Variants in PCDHA2 observed in about 807,000 individuals in gnomAD.
PCDHA2 encodes protocadherin alpha-2.
Under a neutral mutation model 66.0 loss-of-function variants are expected in PCDHA2, and 58 were observed. The observed-to-expected ratio is 0.88, with a 90% CI of 0.71 to 1.09. The LOEUF is 1.09. Ranked by LOEUF, PCDHA2 falls within the 50% of genes least tolerant of loss-of-function variation. The pLI is 0.00. For missense variants in PCDHA2, 1,267 were observed against 1,242.3 expected (o/e 1.02, Z -0.30); for synonymous variants, 634 against 554.0 (o/e 1.14, Z -2.03).
At chr5:140,870,425 C>A (rs531014522) in intron 1 of PCDHA2, 5 of 1,614,190 alleles carry the variant, frequency 3.1e-6, no homozygotes, top group Admixed American at 3.3e-5. Flanking sequence ...GCCAGGGTAT[C>A]CGTGGAGGTG....
chr5:140,868,262 C>T (rs904607540), intron 1 of PCDHA2: 10 of 151,822 alleles, frequency 6.6e-5, no homozygotes, highest in African/African-American at 2.4e-4. Flanking sequence ...TTTGTGGATT[C>T]TTTTTTAAAA....
chr5:141,001,069 C>T (rs1422093659), intron 3 of PCDHA2, among the ~76,000 whole-genome samples: 15 of 152,106 alleles, frequency 9.9e-5, no homozygotes, highest in African/African-American at 3.1e-4. Flanking sequence ...AAATTAAATA[C>T]ATGCAAAATA....
At chr5:140,994,288 C>G (rs2097610720) in intron 3 of PCDHA2, among the ~76,000 whole-genome samples, 4 of 152,150 alleles carry the variant, frequency 2.6e-5, no homozygotes, top group Admixed American at 6.5e-5. Flanking sequence ...TGAGACAGTC[C>G]CCAGATTGTT....
chr5:140,829,861 G>T lies in PCDHA2; in HGVS notation c.2388+32509G>T, dbSNP rs200510937. 1.7e-5 allele frequency: 27 copies of T among 1,613,838 alleles called. No individual in the cohort carries two copies. The East Asian group carries it at 5.6e-4, about 33-fold the overall frequency. ...CGCGGTCACTGGGTGCAGGCCAAGT[G>T]GTGGCGAAGGTGCGCGCAGTTGACG... On this transcript the variant is annotated intron_variant, in intron 1 of 3. Transcript: ENST00000526136.
In PCDHA2 at chr5:140,862,942, G is replaced by A. The variant is rs75462656; in HGVS notation, c.2388+65590G>A. 1.6e-3 allele frequency: 859 copies of A among 542,058 alleles called. 16 individuals carry two copies. In the East Asian group the frequency reaches 0.034, roughly 22 times the overall value. The allele number at this position is 542,058 out of a possible 1,614,324, so 33.6% of individuals were successfully genotyped here. ...GGTGGGCTGGCGGCGCTGTGAGTGA[G>A]CTGGTGCGGTATTCAGTGGATGCAG... On this transcript the variant is annotated intron_variant, in intron 1 of 3. Transcript: ENST00000526136.
intron 1 of PCDHA2, chr5:140,848,451 T>A (rs1450153960): frequency 1.3e-6 from 2 of 1,519,288 alleles, no homozygotes; most frequent in Non-Finnish European, 1.8e-6. Context: ...TTTCTTCTAA[T>A]TTGGAGGCAA....
At chr5:140,957,221 C>T (rs1171404836) in intron 1 of PCDHA2, among the ~76,000 whole-genome samples, 3 of 151,984 alleles carry the variant, frequency 2.0e-5, no homozygotes, top group Non-Finnish European at 4.4e-5. Flanking sequence ...AAAAATTTGG[C>T]GAAGCATTTT....
rs1447646142 is a variant in PCDHA2 at position 140,795,922 on chromosome 5, G to A, written c.958G>A (p.Val320Ile). Residue 320 changes from valine to isoleucine, a missense_variant, in exon 1 of 4, where the codon GTC (valine) becomes ATC (isoleucine). By Grantham distance (29) the Val-to-Ile change is conservative. Coordinates refer to ENST00000526136, the MANE Select transcript of PCDHA2 (RefSeq NM_018905.3). ...YEEAKSYEIQ[V>I]TATDKGTPSM... is the part of the protein sequence containing the mutation. The stretch of plus-strand genomic sequence containing the variant: ...AGAAGCAAAGTCCTACGAGATTCAG[G>A]TCACTGCAACTGACAAAGGAACCCC... 19 of 1,613,806 alleles carry A rather than the reference G, an allele frequency of 1.2e-5. No individual in the cohort carries two copies. The South Asian group carries it at 1.8e-4, about 15-fold the overall frequency.
chr5:140,909,516 C>G (rs1213307040), intron 1 of PCDHA2, among the ~76,000 whole-genome samples: 1 of 152,152 alleles, frequency 6.6e-6, no homozygotes, highest in Non-Finnish European at 1.5e-5. Context: ...GAATCACAAC[C>G]CCTGCACATT....
intron 1 of PCDHA2, chr5:140,811,029 T>C (rs1764780657): frequency 6.6e-6 from 1 of 152,244 alleles, no homozygotes; most frequent in Admixed American, 6.5e-5. Flanking sequence ...TATTATACTT[T>C]AAGTTCTAGG....
intron 1 of PCDHA2, among the ~76,000 whole-genome samples, chr5:140,913,707 A>T (rs1355291016): frequency 6.6e-6 from 1 of 152,120 alleles, no homozygotes; most frequent in Non-Finnish European, 1.5e-5. Flanking sequence ...CAATGTAGGC[A>T]ATTACAGCTA....
chr5:140,823,337 C>T, intron 1 of PCDHA2: 2 of 1,612,260 alleles, frequency 1.2e-6, no homozygotes, highest in Non-Finnish European at 1.7e-6. Context: ...GCGCTGCAGC[C>T]GCTGGACCAC....
chr5:140,850,443 C>T, intron 1 of PCDHA2: 4 of 1,597,988 alleles, frequency 2.5e-6, no homozygotes, highest in Non-Finnish European at 3.4e-6. Flanking sequence ...CCTACTGGTG[C>T]TGGTGAAAGA....
chr5:140,828,632 G>C, intron 1 of PCDHA2: 1 of 1,614,214 alleles, frequency 6.2e-7, no homozygotes, highest in Non-Finnish European at 8.5e-7. Context: ...CTTCGGGCTA[G>C]ATGTGAAAAT....
At chr5:140,980,284 T>C (rs1226756896) in intron 2 of PCDHA2, among the ~76,000 whole-genome samples, 6 of 152,182 alleles carry the variant, frequency 3.9e-5, no homozygotes, top group African/African-American at 1.4e-4. Flanking sequence ...TCTTGAAAAG[T>C]ACCAAAGCTA....
chr5:140,829,503 G>A (rs2150169106), intron 1 of PCDHA2: 5 of 1,613,554 alleles, frequency 3.1e-6, no homozygotes, highest in Middle Eastern at 1.8e-4. Flanking sequence ...AACCCGCCGG[G>A]CTGCCACATC....
At chr5:140,870,416 C>T in intron 1 of PCDHA2, 1 of 1,614,230 alleles carries the variant, frequency 6.2e-7, no homozygotes, top group Non-Finnish European at 8.5e-7. Flanking sequence ...TGGGCCACGG[C>T]CAGGGTATCC....
chr5:140,927,460 G>A, intron 1 of PCDHA2: 2 of 1,614,148 alleles, frequency 1.2e-6, no homozygotes, highest in South Asian at 1.1e-5. Context: ...GTTGGAGAAA[G>A]CACTGGATCG....
intron 1 of PCDHA2, chr5:140,850,688 G>C: frequency 1.3e-6 from 2 of 1,598,504 alleles, no homozygotes; most frequent in Non-Finnish European, 1.7e-6. Flanking sequence ...CCGAGGGCGA[G>C]TGCGCGCCTG....
Sources: allele counts gnomAD v4.1 joint callset (sites outside exome capture counted in the v4.1 genomes callset), GRCh38; gene constraint gnomAD v4.1.1; transcripts MANE v1.5; gene names NCBI Gene and HGNC (gene_info 2026-07-23, HGNC 2026-07-21).